METTL21A: variants seen among roughly 807,000 people sequenced by gnomAD.
METTL21A encodes methyltransferase 21A, HSPA lysine.
Under a neutral mutation model 20.9 loss-of-function variants are expected in METTL21A, and 22 were observed. The observed-to-expected ratio is 1.05, with a 90% confidence interval of 0.75 to 1.50. The LOEUF is 1.50. Among genes scored for constraint, METTL21A ranks in the 40% most tolerant of loss-of-function variants. METTL21A has a pLI of 0.00. For synonymous variants in METTL21A, 93 were observed against 102.0 expected (o/e 0.91, Z 0.53); for missense variants, 271 against 266.8 (o/e 1.02, Z -0.11).
chr2:207,582,806 T>G, intron 3 of METTL21A: 1 of 308,086 alleles, frequency 3.2e-6, no homozygotes, highest in South Asian at 2.6e-5. Context: ...GGCAGAAGAA[T>G]TGTGCGAACC....
intron 3 of METTL21A, among the ~76,000 whole-genome samples, chr2:207,595,163 T>C (rs1049322031): frequency 4.6e-5 from 7 of 151,094 alleles, no homozygotes; most frequent in South Asian, 4.2e-4. Context: ...ACCTGGCTAA[T>C]TTTTGTATTT....
At chr2:207,607,815 TAAA>T (rs2088365807), downstream of METTL21A, among the ~76,000 whole-genome samples, 1 of 151,298 alleles carries the variant, frequency 6.6e-6, no homozygotes, top group African/African-American at 2.4e-5. Flanking sequence ...CAAGACTTAG[TAAA>T]ATAGGTTTGG....
At chr2:207,596,896 G>T (rs572628198) in intron 3 of METTL21A, 1 of 1,589,774 alleles carries the variant, frequency 6.3e-7, no homozygotes, top group East Asian at 2.3e-5. Context: ...AATTTTTCCC[G>T]TCCTCTTTTG....
chr2:207,597,551 TA>T (rs2086372049), intron 3 of METTL21A: 1 of 211,562 alleles, frequency 4.7e-6, no homozygotes, highest in South Asian at 1.9e-4. Context: ...CATTGTGAAT[TA>T]TGTAAAGTTG....
chr2:207,594,764 A>G (rs1395687787), intron 3 of METTL21A, among the ~76,000 whole-genome samples: 1 of 152,010 alleles, frequency 6.6e-6, no homozygotes, highest in Non-Finnish European at 1.5e-5. Flanking sequence ...CATATGGTAA[A>G]TTTTGTTCTT....
rs981344300 is a variant in METTL21A at position 207,619,709 on chromosome 2, G to A, written c.259+2097C>T. Among the ~76,000 whole-genome samples, 21 of 152,220 alleles carry A rather than the reference G, an allele frequency of 1.4e-4. 1 individual carries two copies. The highest frequency in any genetic ancestry group is 4.8e-4 in the African/African-American group (20 of 41,532). On this transcript the variant is annotated intron_variant, in intron 3 of 3. Coordinates refer to ENST00000406927, the Ensembl canonical transcript of METTL21A. ...TACCAAAATGCTAATGGTAACTCTG[G>A]TGGTATCTGAAATATCTTATTCTGA...
intron 3 of METTL21A, among the ~76,000 whole-genome samples, chr2:207,591,721 C>T (rs1053243617): frequency 6.6e-6 from 1 of 152,162 alleles, no homozygotes; most frequent in African/African-American, 2.4e-5. Context: ...GCGTGAACCA[C>T]CATTCCCAGC....
At chr2:207,624,323 T>G (rs769583223) in exon 2 of METTL21A, 4 of 1,614,050 alleles carry the variant, frequency 2.5e-6, no homozygotes, top group Non-Finnish European at 2.5e-6. Context: ...AAGAGGCTTG[T>G]GGAATTTCTG....
chr2:207,608,796 A>C (rs1238163059), downstream of METTL21A, among the ~76,000 whole-genome samples: 1 of 152,180 alleles, frequency 6.6e-6, no homozygotes, highest in Non-Finnish European at 1.5e-5. Context: ...CCGTGGTGGC[A>C]GGCACCTGTA....
At chr2:207,597,822 TAAAGC>T (rs1024437435) in intron 3 of METTL21A, 7 of 194,058 alleles carry the variant, frequency 3.6e-5, no homozygotes, top group African/African-American at 1.4e-4. Context: ...AATTTTAAAT[TAAAGC>T]AAAGTAAATA....
intron 3 of METTL21A, among the ~76,000 whole-genome samples, chr2:207,603,819 G>A (rs571611963): frequency 7.0e-4 from 106 of 152,158 alleles, no homozygotes; most frequent in African/African-American, 2.5e-3. Context: ...AAAGGGGAGG[G>A]GATATGGTTA....
At chr2:207,619,839 C>G (rs1166000998) in intron 3 of METTL21A, among the ~76,000 whole-genome samples, 2 of 152,250 alleles carry the variant, frequency 1.3e-5, no homozygotes, top group Admixed American at 1.3e-4. Context: ...AGTGAGCCAG[C>G]AGATGTTATA....
chr2:207,599,581 T>G (rs1361906381), intron 3 of METTL21A: 1 of 197,784 alleles, frequency 5.1e-6, no homozygotes, highest in Non-Finnish European at 1.0e-5. Context: ...TGAAGTCAGT[T>G]GCTTAATGAT....
At chr2:207,595,522 A>G (rs2085975282) in intron 3 of METTL21A, among the ~76,000 whole-genome samples, 1 of 150,810 alleles carries the variant, frequency 6.6e-6, no homozygotes, top group Admixed American at 6.6e-5. Flanking sequence ...CCGGCCTCCA[A>G]CCTCAGCTTC....
At chr2:207,620,560 A>C in intron 3 of METTL21A, 1 of 1,123,660 alleles carries the variant, frequency 8.9e-7, no homozygotes, top group Non-Finnish European at 1.2e-6. Context: ...AAGTAGCTTC[A>C]TCTCCCAGAA....
intron 3 of METTL21A, among the ~76,000 whole-genome samples, chr2:207,615,200 G>T (rs574815512): frequency 2.6e-5 from 4 of 152,120 alleles, no homozygotes; most frequent in African/African-American, 9.7e-5. Flanking sequence ...CAGCCAGGCC[G>T]AGTAGCTCAA....
At chr2:207,582,288 C>G in intron 3 of METTL21A, 1 of 630,916 alleles carries the variant, frequency 1.6e-6, no homozygotes, top group Non-Finnish European at 2.8e-6. Flanking sequence ...TTTTGCCCAC[C>G]AGTTTTAGAA....
downstream of METTL21A, chr2:207,581,518 A>G (rs1036620093): frequency 9.4e-6 from 2 of 213,012 alleles, no homozygotes; most frequent in Admixed American, 5.8e-5. Flanking sequence ...TAAAAATTGA[A>G]TTACTTCTAA....
exon 4 of METTL21A, chr2:207,581,802 G>A: frequency 1.4e-6 from 1 of 698,702 alleles, no homozygotes; most frequent in Non-Finnish European, 2.6e-6. Flanking sequence ...ACATAATCCA[G>A]TTTGGGTACC....
Sources: allele counts gnomAD v4.1 joint callset (sites outside exome capture counted in the v4.1 genomes callset), GRCh38; gene constraint gnomAD v4.1.1; transcripts MANE v1.5; gene names NCBI Gene and HGNC (gene_info 2026-07-23, HGNC 2026-07-21).